CENPF: variants seen among roughly 807,000 people sequenced by gnomAD.
CENPF encodes AH antigen.
In CENPF, 214 loss-of-function variants were observed where a neutral mutation model predicts 307.3. The ratio of observed to expected loss-of-function variants is 0.70; its 90% CI spans 0.62 to 0.78. The LOEUF (loss-of-function observed/expected upper bound fraction) is 0.78, where lower values mean the gene tolerates loss of function less well. CENPF is among the 30% of genes least tolerant of loss of function. The pLI, the probability that CENPF is intolerant of heterozygous loss-of-function variation, is 0.00. For synonymous variants in CENPF, 1,259 were observed against 1,270.6 expected (o/e 0.99, Z 0.19); for missense variants, 3,401 against 3,483.9 (o/e 0.98, Z 0.60).
chr1:214,657,159 T>A lies in CENPF; in HGVS notation c.8712T>A (p.Gly2904=), dbSNP rs1298385539. ...KQDSRGSPLL[G]PVVPGPSPIP... ...ATTCCCGAGGGTCTCCTTTGCTAGG[T>A]CCAGTTGTTCCAGGACCATCTCCAA... The change falls in exon 18 of 20, where the codon GGT becomes GGA. Residue 2904 remains glycine, a synonymous_variant. Coordinates refer to ENST00000366955, the MANE Select transcript of CENPF (RefSeq NM_016343.4). 6.2e-7 allele frequency: 1 copy of A among 1,614,038 alleles called. No homozygotes were observed. The highest frequency in any genetic ancestry group is 8.5e-7 in the Non-Finnish European group (1 of 1,180,032).
intron 1 of CENPF, chr1:214,606,141 G>A (rs1283961737): frequency 2.7e-6 from 4 of 1,467,290 alleles, no homozygotes; most frequent in Non-Finnish European, 3.6e-6. Flanking sequence ...TCCCGCCAGC[G>A]GGCGTCCCCG....
intron 1 of CENPF, among the ~76,000 whole-genome samples, chr1:214,611,203 C>T (rs1043402611): frequency 6.6e-6 from 1 of 152,036 alleles, no homozygotes; most frequent in African/African-American, 2.4e-5. Flanking sequence ...ATAGTTTTTT[C>T]TAGTTCTGTG....
At chr1:214,608,317 G>T in intron 1 of CENPF, 3 of 1,592,744 alleles carry the variant, frequency 1.9e-6, no homozygotes, top group Non-Finnish European at 2.6e-6. Context: ...CCCTCACCTG[G>T]TGCGCAGGGC....
intron 10 of CENPF, among the ~76,000 whole-genome samples, chr1:214,637,625 T>G (rs1238886311): frequency 6.6e-6 from 1 of 152,148 alleles, no homozygotes; most frequent in Non-Finnish European, 1.5e-5. Flanking sequence ...AATGAGAAAG[T>G]TCAATGAAAC....
chr1:214,642,713 G>A lies in CENPF; in HGVS notation c.4375G>A (p.Asp1459Asn). 6.2e-7 allele frequency: 1 copy of A among 1,614,160 alleles called. No individual in the cohort carries two copies. The highest frequency in any genetic ancestry group is 8.5e-7 in the Non-Finnish European group (1 of 1,180,028). The change falls in exon 12 of 20, where the codon GAC becomes AAC. Residue 1459 changes from aspartate to asparagine, a missense_variant. Coordinates refer to ENST00000366955, the MANE Select transcript of CENPF (RefSeq NM_016343.4). The part of the protein sequence containing the change: ...LSTNLRNFQG[D>N]LVKEMQLGLE... ...AACGAATCTGAGAAACTTTCAAGGT[G>A]ACTTGGTGAAGGAGATGCAGCTGGG...
Position 214,646,348 on chromosome 1 carries a change from A to G in CENPF, c.6778A>G (p.Met2260Val). Residue 2260 changes from methionine (M) to valine (V), a missense_variant, in exon 13 of 20, where the codon ATG becomes GTG. Coordinates refer to ENST00000366955, the MANE Select transcript of CENPF (RefSeq NM_016343.4). ...IKEESKTAVE[M>V]LQNQLKELNE... The stretch of plus-strand genomic sequence containing the variant: ...AGAAGAATCTAAAACTGCAGTGGAG[A>G]TGCTTCAGAATCAGTTAAAGGAGCT... 6.2e-7 allele frequency: 1 copy of G among 1,613,958 alleles called. No individual in the cohort carries two copies.
rs1269334869 is a variant in CENPF at position 214,657,099 on chromosome 1, A to G, written c.8652A>G (p.Gln2884=). The G allele has an allele frequency of 6.2e-7, 1 of 1,614,216 alleles. No homozygotes were observed. Among genetic ancestry groups the G allele is most frequent in the East Asian group, 2.2e-5 (1 of 44,872 alleles). ...LEKAKEMLET[Q]VAHLCSQQSK... is the part of the protein sequence containing the mutation. ...AAGCTAAAGAGATGTTAGAGACACA[A>G]GTGGCCCATCTGTGTTCACAGCAAT... The change falls in exon 18 of 20, where the codon CAA becomes CAG. Residue 2884 remains glutamine (Q), a synonymous_variant. Transcript: ENST00000366955.
Position 214,646,861 on chromosome 1 carries a change from C to A in CENPF, c.7291C>A (p.Gln2431Lys). The change falls in exon 13 of 20, where the codon CAG becomes AAG. Residue 2431 changes from glutamine (Q) to lysine (K), a missense_variant. Physicochemically the swap from Gln to Lys is moderately conservative, Grantham distance 53. Coordinates refer to ENST00000366955, the MANE Select transcript of CENPF (RefSeq NM_016343.4). ...ILQEKEQEKV[Q>K]MKEKSSTAME... ...GCAAGAAAAAGAGCAAGAGAAAGTA[C>A]AGATGAAAGAAAAATCAAGCACTGC... 1 of 1,613,178 alleles carries A rather than the reference C, an allele frequency of 6.2e-7. No individual in the cohort carries two copies. Among genetic ancestry groups the A allele is most frequent in the South Asian group, 1.1e-5 (1 of 90,922 alleles).
Position 214,655,178 on chromosome 1 carries a change from A to AT in CENPF, c.8323-58dup, listed in dbSNP as rs145226600. 6.8e-3 allele frequency: 6,949 copies of AT among 1,023,916 alleles called. 344 individuals carry two copies. The African/African-American group carries it at 0.1, about 15-fold the overall frequency. 63.4% of individuals were successfully genotyped at this position (1,023,916 alleles called of 1,614,324 possible). A position where few individuals can be genotyped will look rare whatever the true frequency, so the allele number is the denominator to read the frequency against. The stretch of plus-strand genomic sequence containing the variant: ...TATATGAATCTTATATCTTATAATT[A>AT]TTTTTCCATATGCTTATAAAAAGAA... On this transcript the variant is annotated intron_variant, in intron 16 of 19. Coordinates refer to ENST00000366955, the MANE Select transcript of CENPF (RefSeq NM_016343.4).
chr1:214,661,962 A>G (rs562262252), intron 19 of CENPF, among the ~76,000 whole-genome samples: 2 of 151,944 alleles, frequency 1.3e-5, no homozygotes, highest in East Asian at 3.9e-4. Context: ...TTGTCTGGTT[A>G]TAGACCATTC....
intron 7 of CENPF, among the ~76,000 whole-genome samples, chr1:214,625,539 A>T (rs1056306943): frequency 2.0e-5 from 3 of 152,106 alleles, no homozygotes; most frequent in African/African-American, 7.2e-5. Context: ...CTATCTTTTA[A>T]TGGGTATATT....
Position 214,646,473 on chromosome 1 carries a change from T to C in CENPF, c.6903T>C (p.Asn2301=), listed in dbSNP as rs1658304790. The C allele has an allele frequency of 1.9e-6, 3 of 1,613,874 alleles. No individual in the cohort carries two copies. Among genetic ancestry groups the C allele is most frequent in the Non-Finnish European group, 2.5e-6 (3 of 1,179,980 alleles). ...TAGAGGAAGAGCATCAGCTGAGAAA[T>C]AGCATTGAAAAGCTGAGAGCCCGCC... ...PPIEEEHQLR[N]SIEKLRARLE... is the part of the protein sequence containing the mutation. The change falls in exon 13 of 20, where the codon AAT becomes AAC. Residue 2301 remains asparagine (N), a synonymous_variant. Transcript: ENST00000366955.
At chr1:214,606,146 T>G in intron 1 of CENPF, 1 of 1,461,232 alleles carries the variant, frequency 6.8e-7, no homozygotes, top group Non-Finnish European at 9.1e-7. Flanking sequence ...CCAGCGGGCG[T>G]CCCCGGGCCC....
chr1:214,654,516 A>G (rs116707477), intron 16 of CENPF: 4,627 of 152,320 alleles, frequency 0.03, 240 homozygotes, highest in African/African-American at 0.11. Context: ...ACAGTGAGCC[A>G]TGATGGTGCC....
At chr1:214,633,515 A>G (rs1657865775) in intron 10 of CENPF, among the ~76,000 whole-genome samples, 1 of 152,372 alleles carries the variant, frequency 6.6e-6, no homozygotes, top group African/African-American at 2.4e-5. Flanking sequence ...TAAATGTTCT[A>G]TGATCACTTT....
At chr1:214,643,438 T>A in intron 12 of CENPF, 114 bp downstream of exon 12, 1 of 988,206 alleles carries the variant, frequency 1.0e-6, no homozygotes, top group Non-Finnish European at 1.4e-6. Context: ...TTTTTAGGGT[T>A]CAAGGAAATA....
intron 5 of CENPF, among the ~76,000 whole-genome samples, chr1:214,619,548 G>C (rs547589428): frequency 3.3e-5 from 5 of 152,280 alleles, no homozygotes; most frequent in African/African-American, 1.2e-4. Flanking sequence ...GATGCTCCCT[G>C]CCTGGCTTTA....
At chr1:214,624,138 A>G (rs1268009844) in intron 7 of CENPF, among the ~76,000 whole-genome samples, 3 of 152,124 alleles carry the variant, frequency 2.0e-5, no homozygotes, top group Admixed American at 6.5e-5. Context: ...CTAATTTCTT[A>G]CAGTGTATAA....
At position 214,642,705 on chromosome 1, in the gene CENPF, T is replaced by C; in HGVS notation, c.4367T>C (p.Phe1456Ser). 2 of 1,614,098 alleles carry C rather than the reference T, an allele frequency of 1.2e-6. No individual in the cohort carries two copies. Among genetic ancestry groups the C allele is most frequent in the Non-Finnish European group, 1.7e-6 (2 of 1,180,016 alleles). ...NLVLSTNLRNFQGDLVKEMQL... is the reference protein window; with the variant it reads ...NLVLSTNLRNSQGDLVKEMQL... ...GTCTTGTCAACGAATCTGAGAAACT[T>C]TCAAGGTGACTTGGTGAAGGAGATG... Residue 1456 changes from phenylalanine (F) to serine (S), a missense_variant, in exon 12 of 20, where the codon TTT (phenylalanine) becomes TCT (serine). Physicochemically the swap from Phe to Ser is radical, Grantham distance 155. Coordinates refer to ENST00000366955, the MANE Select transcript of CENPF (RefSeq NM_016343.4).
Sources: gnomAD v4.1 joint callset for allele counts (sites outside exome capture counted in the v4.1 genomes callset) on GRCh38, gnomAD v4.1.1 for gene constraint, MANE v1.5 for transcripts, NCBI Gene and HGNC (gene_info 2026-07-23, HGNC 2026-07-21) for gene names.